DPYD: variants seen among roughly 807,000 people sequenced by gnomAD.
DPYD encodes dihydropyrimidine dehydrogenase [NADP(+)].
Under a neutral mutation model 116.2 loss-of-function variants are expected in DPYD, and 109 were observed. The observed-to-expected ratio is 0.94, with a 90% CI of 0.80 to 1.10. The LOEUF (loss-of-function observed/expected upper bound fraction) is 1.10. Ranked by LOEUF, DPYD falls within the 50% of genes least tolerant of loss-of-function variation. The pLI is 0.00. For missense variants in DPYD, 1,302 were observed against 1,254.5 expected (o/e 1.04, Z -0.57); for synonymous variants, 440 against 432.0 (o/e 1.02, Z -0.23).
intron 8 of DPYD, among the ~76,000 whole-genome samples, chr1:97,606,219 C>T (rs190090097): frequency 2.0e-5 from 3 of 151,942 alleles, no homozygotes; most frequent in Admixed American, 1.3e-4. Flanking sequence ...ATGCCTACTA[C>T]GTGCTAAACA....
intron 16 of DPYD, among the ~76,000 whole-genome samples, chr1:97,318,884 T>C (rs1215903907): frequency 6.7e-6 from 1 of 148,708 alleles, no homozygotes; most frequent in Non-Finnish European, 1.5e-5. Flanking sequence ...AAACTATCTC[T>C]CAGACAACAG....
intron 20 of DPYD, among the ~76,000 whole-genome samples, chr1:97,188,927 C>T (rs1297703674): frequency 6.6e-6 from 1 of 152,030 alleles, no homozygotes; most frequent in East Asian, 1.9e-4. Flanking sequence ...AAACTCAATT[C>T]ACACATAAAA....
intron 20 of DPYD, among the ~76,000 whole-genome samples, chr1:97,141,723 T>C (rs1654240117): frequency 6.6e-6 from 1 of 152,158 alleles, no homozygotes; most frequent in Non-Finnish European, 1.5e-5. Flanking sequence ...CTTTTTTAAA[T>C]GGATAAATCC....
intron 10 of DPYD, among the ~76,000 whole-genome samples, chr1:97,583,917 G>C (rs1343227002): frequency 5.9e-5 from 9 of 151,926 alleles, no homozygotes; most frequent in Admixed American, 2.6e-4. Flanking sequence ...ATAATCCTTT[G>C]GGTATATACC....
At chr1:97,587,391 C>T (rs1040079004) in intron 10 of DPYD, among the ~76,000 whole-genome samples, 12 of 152,132 alleles carry the variant, frequency 7.9e-5, no homozygotes, top group African/African-American at 2.9e-4. Flanking sequence ...AGGTGCCAAA[C>T]GTTGAAGAAC....
At position 97,203,674 on chromosome 1, in the gene DPYD, CAAAA is replaced by C. The variant is rs575950598; in HGVS notation, c.2443-10430_2443-10427del. Among the ~76,000 whole-genome samples the C allele has an allele frequency of 3.4e-3, 62 of 18,194 alleles. 1 individual carries two copies. Among genetic ancestry groups the C allele is most frequent in the African/African-American group, 0.011 (50 of 4,734 alleles). The allele number at this position is 18,194 out of a possible 152,430, so 11.9% of individuals were successfully genotyped here. Reference sequence around the variant, plus strand: ...AGGATGAGTTCAGACCCCCCCCCCCCAAAAAAAAAAAAAGAGAAAAAGTCTATAG... The same window carrying C: ...AGGATGAGTTCAGACCCCCCCCCCCCAAAAAAAAAGAGAAAAAGTCTATAG... On this transcript the variant is annotated intron_variant, in intron 19 of 22. Coordinates refer to ENST00000370192, the MANE Select transcript of DPYD (RefSeq NM_000110.4).
chr1:97,373,728 C>A, intron 15 of DPYD, 84 bp from the exon 16 acceptor site: 2 of 1,203,384 alleles, frequency 1.7e-6, no homozygotes, highest in Non-Finnish European at 1.2e-6. Context: ...ACACAAGTCA[C>A]ATTTGTCAAG....
chr1:97,312,444 A>C (rs1285325064), intron 16 of DPYD, among the ~76,000 whole-genome samples: 4 of 151,934 alleles, frequency 2.6e-5, no homozygotes, highest in Middle Eastern at 3.2e-3. Context: ...ATGCATTCAA[A>C]ATATGTGTAC....
intron 3 of DPYD, among the ~76,000 whole-genome samples, chr1:97,790,169 A>G (rs1010640852): frequency 9.9e-5 from 15 of 152,164 alleles, no homozygotes; most frequent in African/African-American, 3.6e-4. Context: ...ACCATTTTCT[A>G]AGAGCAAACT....
In DPYD at chr1:97,577,324, C is replaced by T. The variant is rs548806106; in HGVS notation, c.1129-3354G>A. ...CACATCCCTATGAAACGAGTAGATG[C>T]AGCCTGCTGGACTGGTCCTGCTGAC... On this transcript the variant is annotated intron_variant, in intron 10 of 22. Coordinates refer to ENST00000370192, the MANE Select transcript of DPYD (RefSeq NM_000110.4). Among the ~76,000 whole-genome samples, 15 of 152,274 alleles carry T rather than the reference C, an allele frequency of 9.9e-5. No homozygotes were observed. The South Asian group carries it at 1.7e-3, about 17-fold the overall frequency.
chr1:97,169,161 G>C (rs113206364), intron 20 of DPYD, among the ~76,000 whole-genome samples: 2 of 151,992 alleles, frequency 1.3e-5, no homozygotes, highest in Admixed American at 1.3e-4. Flanking sequence ...ATTCTGTTTT[G>C]CTCAAGAAGA....
intron 3 of DPYD, among the ~76,000 whole-genome samples, chr1:97,817,664 A>C (rs1668699976): frequency 6.6e-6 from 1 of 152,096 alleles, no homozygotes; most frequent in African/African-American, 2.4e-5. Context: ...TGACAAATAT[A>C]ATTACAAAAT....
intron 12 of DPYD, among the ~76,000 whole-genome samples, chr1:97,528,417 A>G (rs1649314485): frequency 1.3e-5 from 2 of 152,182 alleles, no homozygotes; most frequent in Admixed American, 1.3e-4. Context: ...AAATAAGACT[A>G]GAAAATTAAA....
intron 20 of DPYD, among the ~76,000 whole-genome samples, chr1:97,173,295 CATATGTACAT>C (rs1206721732): frequency 1.3e-4 from 17 of 127,582 alleles, no homozygotes; most frequent in Admixed American, 2.5e-4. Flanking sequence ...TATATGTACA[CATATGTACAT>C]ATATATGCAC....
chr1:97,688,419 G>A lies in DPYD; in HGVS notation c.762+3298C>T, dbSNP rs111982239. On this transcript the variant is annotated intron_variant, in intron 7 of 22. Coordinates refer to ENST00000370192, the MANE Select transcript of DPYD (RefSeq NM_000110.4). The stretch of plus-strand genomic sequence containing the variant: ...CCTCAATGAAGCAGAAATTTTTCTA[G>A]AAATATATTGGCAAAATTGATACGA... Among the ~76,000 whole-genome samples, 762 of 151,918 alleles carry A rather than the reference G, an allele frequency of 5.0e-3. 5 individuals are homozygous for A. The highest frequency in any genetic ancestry group is 0.017 in the African/African-American group (723 of 41,484).
At chr1:97,348,510 G>A (rs948728924) in intron 16 of DPYD, among the ~76,000 whole-genome samples, 3 of 152,116 alleles carry the variant, frequency 2.0e-5, no homozygotes, top group African/African-American at 7.2e-5. Context: ...AAACAATGAA[G>A]TTCTTGCAAA....
intron 13 of DPYD, among the ~76,000 whole-genome samples, chr1:97,502,933 G>T (rs894806062): frequency 9.2e-5 from 14 of 152,086 alleles, no homozygotes; most frequent in African/African-American, 3.1e-4. Context: ...TCAACATGTG[G>T]AAGTTTAGAT....
At chr1:97,901,744 T>C (rs539062137) in intron 1 of DPYD, among the ~76,000 whole-genome samples, 1 of 151,868 alleles carries the variant, frequency 6.6e-6, no homozygotes, top group African/African-American at 2.4e-5. Context: ...GACAGTGAAA[T>C]ACAGCATGTC....
At chr1:97,504,633 A>T (rs1245904003) in intron 13 of DPYD, among the ~76,000 whole-genome samples, 2 of 152,042 alleles carry the variant, frequency 1.3e-5, no homozygotes, top group East Asian at 3.9e-4. Context: ...GATAAACGTT[A>T]GTCTAAACAA....
Sources: allele counts gnomAD v4.1 joint callset (sites outside exome capture counted in the v4.1 genomes callset), GRCh38; gene constraint gnomAD v4.1.1; transcripts MANE v1.5; gene names NCBI Gene and HGNC (gene_info 2026-07-23, HGNC 2026-07-21).